ST8SIA1: variants seen among roughly 807,000 people sequenced by gnomAD.
The protein encoded by ST8SIA1 is ST8 alpha-N-acetyl-neuraminide alpha-2,8-sialyltransferase 1.
Under a neutral mutation model 35.9 loss-of-function variants are expected in ST8SIA1, and 16 were observed. The observed-to-expected ratio is 0.45, with a 90% confidence interval of 0.30 to 0.68. The LOEUF (loss-of-function observed/expected upper bound fraction) is 0.68, where lower values mean the gene tolerates loss of function less well. ST8SIA1 is among the 30% of genes least tolerant of loss of function. The pLI is 0.09. For synonymous variants in ST8SIA1, 170 were observed against 169.6 expected (o/e 1.00, Z -0.02); for missense variants, 383 against 453.6 (o/e 0.84, Z 1.41).
intron 2 of ST8SIA1, among the ~76,000 whole-genome samples, chr12:22,261,956 A>G (rs956891594): frequency 1.3e-5 from 2 of 152,234 alleles, no homozygotes; most frequent in African/African-American, 4.8e-5. Context: ...CTTACACGCT[A>G]AATAGAAAAA....
intron 4 of ST8SIA1, among the ~76,000 whole-genome samples, chr12:22,245,621 G>GT (rs1865591493): frequency 6.6e-6 from 1 of 152,164 alleles, no homozygotes; most frequent in Admixed American, 6.5e-5. Flanking sequence ...CTTCGACTTC[G>GT]TAACTCCTAA....
At chr12:22,301,645 C>T (rs531063591) in intron 1 of ST8SIA1, among the ~76,000 whole-genome samples, 231 of 152,264 alleles carry the variant, frequency 1.5e-3, no homozygotes, top group African/African-American at 4.6e-3. Context: ...TATTTTACCA[C>T]GGCTTTGACT....
intron 1 of ST8SIA1, chr12:22,325,129 T>C (rs1337892680): frequency 1.4e-5 from 4 of 276,256 alleles, no homozygotes; most frequent in African/African-American, 8.8e-5. Context: ...TTTTCTATAG[T>C]AAATATGTAT....
At chr12:22,307,777 A>T (rs1403646551) in intron 1 of ST8SIA1, among the ~76,000 whole-genome samples, 2 of 152,034 alleles carry the variant, frequency 1.3e-5, no homozygotes, top group Non-Finnish European at 2.9e-5. Flanking sequence ...CATTCTTACA[A>T]GTTTATGCCT....
chr12:22,303,867 C>CACACACACACACACAT (rs1555161251), intron 1 of ST8SIA1, among the ~76,000 whole-genome samples: 1 of 151,780 alleles, frequency 6.6e-6, no homozygotes, highest in African/African-American at 2.4e-5. Context: ...CACACACACA[C>CACACACACACACACAT]ACACACACAC....
chr12:22,275,455 G>A (rs1865958065), intron 2 of ST8SIA1, among the ~76,000 whole-genome samples: 1 of 152,134 alleles, frequency 6.6e-6, no homozygotes, highest in African/African-American at 2.4e-5. Context: ...CTCGGAGGCT[G>A]AGGCAGGAGA....
chr12:22,237,535 ATATT>A (rs1297454850), intron 4 of ST8SIA1, among the ~76,000 whole-genome samples: 1 of 151,140 alleles, frequency 6.6e-6, no homozygotes, highest in African/African-American at 2.4e-5. Context: ...ACACATTTAT[ATATT>A]TATTTTTTTC....
rs531688333 is a variant in ST8SIA1, at chr12:22,229,679, G to A, written c.584+19327C>T. ...ATCCACCATGATGGCTTGAAAGATG[G>A]TGCCAATAACTGTGATGATAACTAC... On this transcript the variant is annotated intron_variant, in intron 4 of 4. Coordinates refer to ENST00000396037, the MANE Select transcript of ST8SIA1 (RefSeq NM_003034.4). Among the ~76,000 whole-genome samples the A allele has an allele frequency of 7.2e-5, 11 of 151,940 alleles. No homozygotes were observed. The East Asian group carries it at 2.1e-3, about 29-fold the overall frequency.
intron 3 of ST8SIA1, among the ~76,000 whole-genome samples, chr12:22,249,980 C>A (rs1865651564): frequency 6.6e-6 from 1 of 152,130 alleles, no homozygotes; most frequent in Non-Finnish European, 1.5e-5. Flanking sequence ...AATGGGTAGG[C>A]TGATTACTGG....
At position 22,208,135 on chromosome 12, in the gene ST8SIA1, C is replaced by CAAAA. The variant is rs71053390; in HGVS notation, c.585-6101_585-6098dup. Among the ~76,000 whole-genome samples, 102 of 97,820 alleles carry CAAAA rather than the reference C, an allele frequency of 1.0e-3. 1 individual carries two copies. Among genetic ancestry groups the CAAAA allele is most frequent in the Non-Finnish European group, 1.6e-3 (78 of 47,852 alleles). The allele number at this position is 97,820 out of a possible 152,430, so 64.2% of individuals were successfully genotyped here. ...AGCCTGGGTGACAGTGTCTGTCTCA[C>CAAAA]AAAAAAAAAAAAAAAAAGAAGCAAA... On this transcript the variant is annotated intron_variant, in intron 4 of 4. Coordinates refer to ENST00000396037, the MANE Select transcript of ST8SIA1 (RefSeq NM_003034.4).
At chr12:22,246,411 T>C (rs1278764203) in intron 4 of ST8SIA1, among the ~76,000 whole-genome samples, 1 of 152,190 alleles carries the variant, frequency 6.6e-6, no homozygotes, top group Non-Finnish European at 1.5e-5. Context: ...GAGGGTGTGA[T>C]GGTGCAATAT....
chr12:22,260,565 A>G (rs1190152100), intron 2 of ST8SIA1, among the ~76,000 whole-genome samples: 2 of 152,164 alleles, frequency 1.3e-5, no homozygotes, highest in Admixed American at 1.3e-4. Flanking sequence ...ATTAGTGACC[A>G]TATTATATGA....
At chr12:22,301,831 T>C (rs1027063516) in intron 1 of ST8SIA1, among the ~76,000 whole-genome samples, 3 of 152,122 alleles carry the variant, frequency 2.0e-5, no homozygotes, top group Non-Finnish European at 4.4e-5. Context: ...TTTAATACCT[T>C]GGAACCTCAA....
intron 2 of ST8SIA1, among the ~76,000 whole-genome samples, chr12:22,255,677 A>G (rs1167983930): frequency 9.7e-6 from 1 of 102,718 alleles, no homozygotes; most frequent in Non-Finnish European, 2.1e-5. Flanking sequence ...GGTGTTTGCT[A>G]GGGAAAATTA....
chr12:22,296,097 G>C (rs1565589549), intron 1 of ST8SIA1, among the ~76,000 whole-genome samples: 1 of 152,148 alleles, frequency 6.6e-6, no homozygotes, highest in Non-Finnish European at 1.5e-5. Flanking sequence ...ATTCCAGATA[G>C]ATCAAAGAAC....
intron 4 of ST8SIA1, among the ~76,000 whole-genome samples, chr12:22,217,437 C>T (rs1380485746): frequency 6.6e-6 from 1 of 151,932 alleles, no homozygotes; most frequent in African/African-American, 2.4e-5. Context: ...CTTGGAAAAC[C>T]CATTGATTTT....
chr12:22,250,964 C>T (rs1313498098), intron 3 of ST8SIA1, among the ~76,000 whole-genome samples: 1 of 152,140 alleles, frequency 6.6e-6, no homozygotes, highest in African/African-American at 2.4e-5. Flanking sequence ...GAAGTATCCA[C>T]AGTCAAGTGG....
chr12:22,300,975 T>C (rs1324122349), intron 1 of ST8SIA1, among the ~76,000 whole-genome samples: 10 of 152,142 alleles, frequency 6.6e-5, no homozygotes, highest in Admixed American at 6.6e-4. Flanking sequence ...ATGTTATTGG[T>C]ATGTGTTCCA....
intron 2 of ST8SIA1, among the ~76,000 whole-genome samples, chr12:22,281,031 T>G (rs1565585480): frequency 6.6e-6 from 1 of 152,228 alleles, no homozygotes; most frequent in Non-Finnish European, 1.5e-5. Context: ...TTCTTTTCAC[T>G]GTCCTGTAAA....
Sources: allele counts gnomAD v4.1 joint callset (sites outside exome capture counted in the v4.1 genomes callset), GRCh38; gene constraint gnomAD v4.1.1; transcripts MANE v1.5; gene names NCBI Gene and HGNC (gene_info 2026-07-23, HGNC 2026-07-21).